Variants in CCDC47 observed in about 807,000 individuals in gnomAD.
CCDC47 encodes the protein coiled-coil domain containing 47.
A neutral mutation model predicts 60.5 loss-of-function variants in CCDC47; 41 were observed. The ratio of observed to expected loss-of-function variants is 0.68; its 90% confidence interval spans 0.53 to 0.88. CCDC47 has a LOEUF of 0.88. Ranked by LOEUF, CCDC47 falls within the 40% of genes least tolerant of loss-of-function variation. CCDC47 has a pLI of 0.00. For missense variants in CCDC47, 513 were observed against 580.9 expected (o/e 0.88, Z 1.20); for synonymous variants, 195 against 190.7 (o/e 1.02, Z -0.18).
At chr17:63,765,645 C>T in intron 2 of CCDC47, 3 of 1,152,476 alleles carry the variant, frequency 2.6e-6, no homozygotes. Flanking sequence ...CAGCCAATTG[C>T]AAAGTTCTAA....
At position 63,766,204 on chromosome 17, in the gene CCDC47, A is replaced by C; in HGVS notation, c.-19-10T>G. On this transcript the variant is annotated splice_polypyrimidine_tract_variant and intron_variant, in intron 1 of 12. Coordinates refer to ENST00000225726, the MANE Select transcript of CCDC47 (RefSeq NM_020198.3). ...ACCTTGAGAAAAAAAGCTTAAAAAA[A>C]AAGAGAACCCCAAAATGGATTGCCA... The C allele has an allele frequency of 6.3e-7, 1 of 1,584,700 alleles. No individual in the cohort carries two copies.
chr17:63,752,408 T>C lies in CCDC47; in HGVS notation c.1115A>G (p.Tyr372Cys), dbSNP rs151145012. 1.3e-4 allele frequency: 212 copies of C among 1,613,158 alleles called. No homozygotes were observed. The highest frequency in any genetic ancestry group is 1.7e-4 in the Non-Finnish European group (202 of 1,179,428). ...TAGCAGTGCCTCCATATCCTTTGGG[T>C]AAGTGTTACCTGAGCCAGGCACTGG... ...TFNVPGSGNT[Y>C]PKDMEALLPL... Residue 372 changes from tyrosine to cysteine, a missense_variant, in exon 11 of 13, where the codon TAC (tyrosine) becomes TGC (cysteine). By Grantham distance (194) the Tyr-to-Cys change is radical. Coordinates refer to ENST00000225726, the MANE Select transcript of CCDC47 (RefSeq NM_020198.3).
chr17:63,762,551 T>C (rs1300242371), intron 4 of CCDC47, among the ~76,000 whole-genome samples: 1 of 152,220 alleles, frequency 6.6e-6, no homozygotes, highest in East Asian at 1.9e-4. Flanking sequence ...CACTACTGTG[T>C]TGCAGAGCAG....
At chr17:63,754,831 A>G (rs2039193138) in intron 8 of CCDC47, among the ~76,000 whole-genome samples, 1 of 151,644 alleles carries the variant, frequency 6.6e-6, no homozygotes, top group South Asian at 2.1e-4. Flanking sequence ...TGCCGTGAGC[A>G]GAGACCACGC....
intron 2 of CCDC47, chr17:63,765,120 CCACACA>C (rs56697502): frequency 0.013 from 1,985 of 150,204 alleles, 50 homozygotes; most frequent in African/African-American, 0.048. Flanking sequence ...AGTATTCTCA[CCACACA>C]CACACACACA....
intron 10 of CCDC47, 86 bp downstream of exon 10, chr17:63,752,655 A>T: frequency 7.2e-7 from 1 of 1,388,288 alleles, no homozygotes; most frequent in African/African-American, 1.5e-5. Context: ...ACGTAGTTTT[A>T]AAGCTATCAT....
chr17:63,754,535 A>T lies in CCDC47; in HGVS notation c.949-17T>A. The T allele has an allele frequency of 6.5e-7, 1 of 1,527,982 alleles. No homozygotes were observed. The allele number at this position is 1,527,982 out of a possible 1,614,324, so 94.7% of individuals were successfully genotyped here. A position where few individuals can be genotyped will look rare whatever the true frequency, so the allele number is the denominator to read the frequency against. On this transcript the variant is annotated splice_polypyrimidine_tract_variant and intron_variant, in intron 8 of 12. Coordinates refer to ENST00000225726, the MANE Select transcript of CCDC47 (RefSeq NM_020198.3). ...GTGAACCATCTGAAAAAAAGAAAAT[A>T]ATATTTTTTAAAAGCAAGGTTTAAT...
In CCDC47 at chr17:63,760,944, G is replaced by A; in HGVS notation, c.705C>T (p.Ala235=). The stretch of plus-strand genomic sequence containing the variant: ...GATCACTCACTGGCCTCATCATCCG[G>A]GCCAGGACATTCAGTAAGTCTTGTC... ...LKRQDLLNVL[A]RMMRPVSDQV... The change falls in exon 6 of 13, where the codon GCC becomes GCT. Residue 235 remains alanine (A), a synonymous_variant. Coordinates refer to ENST00000225726, the MANE Select transcript of CCDC47 (RefSeq NM_020198.3). 1 of 1,613,540 alleles carries A rather than the reference G, an allele frequency of 6.2e-7. No individual in the cohort carries two copies. Among genetic ancestry groups the A allele is most frequent in the Non-Finnish European group, 8.5e-7 (1 of 1,179,746 alleles).
intron 6 of CCDC47, among the ~76,000 whole-genome samples, chr17:63,758,122 C>T (rs2039221613): frequency 6.6e-6 from 1 of 152,154 alleles, no homozygotes; most frequent in Non-Finnish European, 1.5e-5. Context: ...GTCTTTCTTT[C>T]ATTTGGCTAC....
At chr17:63,760,078 A>G (rs1419279060) in intron 6 of CCDC47, among the ~76,000 whole-genome samples, 2 of 151,556 alleles carry the variant, frequency 1.3e-5, no homozygotes, top group Admixed American at 6.6e-5. Flanking sequence ...AAAAAAAAAA[A>G]AAAGAAACAA....
At chr17:63,761,180 T>C in intron 5 of CCDC47, 50 bp downstream of exon 5, 1 of 1,610,690 alleles carries the variant, frequency 6.2e-7, no homozygotes, top group Non-Finnish European at 8.5e-7. Context: ...GAATCACAAC[T>C]GGACAAAATT....
In CCDC47 at chr17:63,760,763, C is replaced by T. The variant is rs887782023; in HGVS notation, c.735+151G>A. The stretch of plus-strand genomic sequence containing the variant: ...CTGAGGCAGGAGAATTGCTTGAATA[C>T]GGGAGGCAGAGGTTGCAGTGAGCCA... On this transcript the variant is annotated intron_variant, in intron 6 of 12. Coordinates refer to ENST00000225726, the MANE Select transcript of CCDC47 (RefSeq NM_020198.3). The T allele has an allele frequency of 6.5e-5, 36 of 550,046 alleles. No individual in the cohort carries two copies. In the South Asian group the frequency reaches 8.0e-4, roughly 12 times the overall value. 34.1% of individuals were successfully genotyped at this position (550,046 alleles called of 1,614,324 possible).
At chr17:63,765,804 A>G in intron 2 of CCDC47, 108 bp downstream of exon 2, 1 of 1,381,024 alleles carries the variant, frequency 7.2e-7, no homozygotes, top group African/African-American at 1.4e-5. Flanking sequence ...GTGAATGAAA[A>G]TGAAGACTCC....
At chr17:63,762,418 G>A (rs2039268141) in intron 4 of CCDC47, among the ~76,000 whole-genome samples, 1 of 152,178 alleles carries the variant, frequency 6.6e-6, no homozygotes, top group African/African-American at 2.4e-5. Flanking sequence ...GCTTAGATAA[G>A]TTTTAACATT....
intron 4 of CCDC47, among the ~76,000 whole-genome samples, chr17:63,763,310 C>T (rs1431299233): frequency 1.3e-5 from 2 of 152,038 alleles, no homozygotes; most frequent in South Asian, 2.1e-4. Context: ...ATTGCTTGAG[C>T]CCAGGAGTTC....
intron 1 of CCDC47, among the ~76,000 whole-genome samples, chr17:63,770,278 T>C (rs978832151): frequency 2.0e-5 from 3 of 152,032 alleles, no homozygotes; most frequent in Non-Finnish European, 2.9e-5. Flanking sequence ...CGGACTAATT[T>C]TTTTTTTTCT....
intron 9 of CCDC47, chr17:63,753,354 A>G (rs1161844592): frequency 3.6e-6 from 1 of 277,920 alleles, no homozygotes; most frequent in Non-Finnish European, 5.5e-6. Flanking sequence ...AGGCATGATG[A>G]ATGCTACAAT....
At chr17:63,753,508 A>C in intron 9 of CCDC47, 1 of 325,460 alleles carries the variant, frequency 3.1e-6, no homozygotes, top group South Asian at 1.2e-4. Flanking sequence ...AGCCTATCAG[A>C]GGGTAGTCTT....
chr17:63,755,267 A>G lies in CCDC47; in HGVS notation c.949-749T>C, dbSNP rs559240885. ...CAAGTGTGAACCACAGCGCGCGGAC[A>G]AGGCTAAAGCTTTTTAAAAATTAAA... On this transcript the variant is annotated intron_variant, in intron 8 of 12. Coordinates refer to ENST00000225726, the MANE Select transcript of CCDC47 (RefSeq NM_020198.3). The G allele has an allele frequency of 1.6e-5, 16 of 983,680 alleles. No individual in the cohort carries two copies. In the South Asian group the frequency reaches 5.2e-4, roughly 32 times the overall value. The allele number at this position is 983,680 out of a possible 1,614,324, so 60.9% of individuals were successfully genotyped here. A position where few individuals can be genotyped will look rare whatever the true frequency, so the allele number is the denominator to read the frequency against.
Sources: gnomAD v4.1 joint callset for allele counts (sites outside exome capture counted in the v4.1 genomes callset) on GRCh38, gnomAD v4.1.1 for gene constraint, MANE v1.5 for transcripts, NCBI Gene and HGNC (gene_info 2026-07-23, HGNC 2026-07-21) for gene names.